The following SHANK2 variants were observed in gnomAD, a reference collection of about 807,000 sequenced individuals.
SHANK2 encodes the protein SH3 and multiple ankyrin repeat domains 2.
Under a neutral mutation model 133.7 loss-of-function variants are expected in SHANK2, and 43 were observed. That is an observed-to-expected ratio of 0.32 (90% CI 0.25 to 0.41). The LOEUF (loss-of-function observed/expected upper bound fraction) is 0.41, where lower values mean the gene tolerates loss of function less well. SHANK2 is among the 10% of genes least tolerant of loss of function. SHANK2 has a pLI of 1.00. For synonymous variants in SHANK2, 1,017 were observed against 952.8 expected, an observed-to-expected ratio of 1.07 and a Z score of -1.24; for missense variants, 1,994 against 2,235.8, an observed-to-expected ratio of 0.89 and a Z score of 2.18.
chr11:70,527,763 G>GA (rs2059418455), intron 17 of SHANK2, among the ~76,000 whole-genome samples: 1 of 152,218 alleles, frequency 6.6e-6, no homozygotes, highest in Non-Finnish European at 1.5e-5. Flanking sequence ...GCTGAGCTAC[G>GA]AATGTGCCTG....
chr11:70,690,488 G>GTT (rs35737323), intron 15 of SHANK2, among the ~76,000 whole-genome samples: 1,823 of 32,796 alleles, frequency 0.056, 570 homozygotes, highest in East Asian at 0.17. Flanking sequence ...TACTTCCCAT[G>GTT]TTTTTTTTTT....
At chr11:70,554,425 T>C (rs1205210196) in intron 17 of SHANK2, among the ~76,000 whole-genome samples, 3 of 152,312 alleles carry the variant, frequency 2.0e-5, no homozygotes, top group East Asian at 3.9e-4. Flanking sequence ...GATTCCACCA[T>C]GAGTCAAAGC....
In SHANK2 at chr11:70,809,362, T is replaced by G. The variant is rs191159364; in HGVS notation, c.1494-2191A>C. On this transcript the variant is annotated intron_variant, in intron 12 of 25. Transcript: ENST00000601538. ...AAGGGCCCATGCACACAGGGACCCA[T>G]GCAAAACAGGCTTGCAGGGAAAGTT... 2.0e-5 allele frequency among the ~76,000 whole-genome samples: 3 copies of G among 152,324 alleles called. No individual in the cohort carries two copies. The South Asian group carries it at 6.2e-4, about 32-fold the overall frequency.
chr11:70,705,329 T>C (rs1342020096), intron 14 of SHANK2: 2 of 152,178 alleles, frequency 1.3e-5, no homozygotes, highest in Non-Finnish European at 2.9e-5. Context: ...CACATCTCCA[T>C]GGCCCTCTTA....
chr11:70,876,249 C>T (rs1291788130), intron 11 of SHANK2, among the ~76,000 whole-genome samples: 2,527 of 140,004 alleles, frequency 0.018, 82 homozygotes, highest in African/African-American at 0.063. Context: ...TATAGACACA[C>T]ACACACACAC....
intron 22 of SHANK2, among the ~76,000 whole-genome samples, chr11:70,491,645 C>CA (rs2135757965): frequency 6.6e-6 from 1 of 152,356 alleles, no homozygotes; most frequent in Admixed American, 6.5e-5. Context: ...GACAGGTAGG[C>CA]AGTGCTAGAA....
intron 11 of SHANK2, among the ~76,000 whole-genome samples, chr11:70,847,631 G>A (rs1949015954): frequency 6.6e-6 from 1 of 152,210 alleles, no homozygotes; most frequent in Non-Finnish European, 1.5e-5. Context: ...ACGCCATCCA[G>A]GGTCTCATCT....
intron 17 of SHANK2, among the ~76,000 whole-genome samples, chr11:70,637,853 A>G (rs552560238): frequency 1.3e-5 from 2 of 152,182 alleles, no homozygotes; most frequent in Non-Finnish European, 2.9e-5. Flanking sequence ...CTGACCAGTG[A>G]GTCTACCCAG....
Position 70,948,198 on chromosome 11 carries a change from T to C in SHANK2, c.1108-51631A>G, listed in dbSNP as rs570588728. 1.6e-4 allele frequency: 68 copies of C among 429,016 alleles called. 1 individual carries two copies. The highest frequency in any genetic ancestry group is 1.0e-3 in the South Asian group (63 of 62,164). The allele number at this position is 429,016 out of a possible 1,614,324, so 26.6% of individuals were successfully genotyped here. A position where few individuals can be genotyped will look rare whatever the true frequency, so the allele number is the denominator to read the frequency against. ...AGCGTGAAGGAAACTCGCTTCCGCATTGCCAGCTCCGTACCATTCCACCCT... is the reference window on the plus strand; with the variant it reads ...AGCGTGAAGGAAACTCGCTTCCGCACTGCCAGCTCCGTACCATTCCACCCT... On this transcript the variant is annotated intron_variant, in intron 10 of 25. Coordinates refer to ENST00000601538, the MANE Select transcript of SHANK2 (RefSeq NM_012309.5).
chr11:71,186,808 C>T (rs573153028), intron 2 of SHANK2, among the ~76,000 whole-genome samples: 3 of 152,344 alleles, frequency 2.0e-5, no homozygotes, highest in South Asian at 2.1e-4. Context: ...TTGTAGGAAA[C>T]GTGTCCCAGG....
chr11:70,473,659 C>T lies in SHANK2; in HGVS notation c.4980-220G>A. On this transcript the variant is annotated intron_variant, in intron 25 of 25. Coordinates refer to ENST00000601538, the MANE Select transcript of SHANK2 (RefSeq NM_012309.5). The surrounding 1 kb of genome is among the most constrained non-coding windows in gnomAD (Gnocchi z 5.9). ...AGACACCAGAGCACACCACGTCAGC[C>T]CACTCACCTGAACTGGGACAGAGGG... is the stretch of plus-strand genomic sequence containing the variant. 5 of 640,182 alleles carry T rather than the reference C, an allele frequency of 7.8e-6. No homozygotes were observed. Among genetic ancestry groups the T allele is most frequent in the Non-Finnish European group, 8.6e-6 (3 of 350,508 alleles). 39.7% of individuals were successfully genotyped at this position (640,182 alleles called of 1,614,324 possible).
intron 9 of SHANK2, among the ~76,000 whole-genome samples, chr11:71,058,110 G>C (rs1950943974): frequency 6.6e-6 from 1 of 151,784 alleles, no homozygotes; most frequent in Admixed American, 6.6e-5. Context: ...GTCTAGGCTG[G>C]TCTCAAACTC....
chr11:70,925,926 T>A (rs1950421328), intron 10 of SHANK2, among the ~76,000 whole-genome samples: 1 of 152,192 alleles, frequency 6.6e-6, no homozygotes, highest in Non-Finnish European at 1.5e-5. Context: ...CATAACCTAG[T>A]TTTATGTGTA....
At chr11:70,862,026 C>T (rs1041378483) in intron 11 of SHANK2, among the ~76,000 whole-genome samples, 2 of 151,922 alleles carry the variant, frequency 1.3e-5, no homozygotes, top group East Asian at 1.9e-4. Context: ...AGGATCCTGT[C>T]GCACTGGGTC....
chr11:71,059,622 C>T (rs923839128), intron 9 of SHANK2, among the ~76,000 whole-genome samples: 113 of 152,288 alleles, frequency 7.4e-4, no homozygotes, highest in African/African-American at 2.5e-3. Flanking sequence ...TCTCAGGATC[C>T]GGCTGATTTC....
chr11:70,717,953 C>G (rs1156932753), intron 14 of SHANK2, among the ~76,000 whole-genome samples: 2 of 152,196 alleles, frequency 1.3e-5, no homozygotes, highest in Admixed American at 1.3e-4. Context: ...GACTGAACAT[C>G]CAAATCAGCT....
At chr11:70,522,043 T>C (rs782247223) in intron 17 of SHANK2, among the ~76,000 whole-genome samples, 1 of 152,186 alleles carries the variant, frequency 6.6e-6, no homozygotes, top group Non-Finnish European at 1.5e-5. Flanking sequence ...CGGTTTCTTA[T>C]CCAAACTACC....
chr11:71,115,547 AT>A (rs1951962681), intron 4 of SHANK2, among the ~76,000 whole-genome samples: 1 of 152,158 alleles, frequency 6.6e-6, no homozygotes, highest in Non-Finnish European at 1.5e-5. Context: ...TGCAAAGTCA[AT>A]TTGGGGACTT....
At chr11:70,478,426 CAT>C (rs1420668259) in intron 25 of SHANK2, among the ~76,000 whole-genome samples, 1 of 152,370 alleles carries the variant, frequency 6.6e-6, no homozygotes, top group African/African-American at 2.4e-5. Context: ...AGCCTGTCAA[CAT>C]ATGTTCTCTC....
Sources: gnomAD v4.1 joint callset for allele counts (sites outside exome capture counted in the v4.1 genomes callset) on GRCh38, gnomAD v4.1.1 for gene constraint, Gnocchi (gnomAD v3.1) non-coding constraint, MANE v1.5 for transcripts, NCBI Gene and HGNC (gene_info 2026-07-23, HGNC 2026-07-21) for gene names.